The following CRYL1 variants were observed in gnomAD, a reference collection of about 807,000 sequenced individuals.
CRYL1 encodes the protein crystallin lambda 1.
CRYL1 carries 29 observed loss-of-function variants against 36.6 expected under a neutral mutation model. The ratio of observed to expected loss-of-function variants is 0.79; its 90% CI spans 0.59 to 1.08. The LOEUF is 1.08. CRYL1 is among the 50% of genes least tolerant of loss of function. The pLI is 0.00. For synonymous variants in CRYL1, 152 were observed against 151.5 expected (o/e 1.00, Z -0.02); for missense variants, 411 against 407.9 (o/e 1.01, Z -0.06).
chr13:20,412,389 TA>T (rs2031547257), intron 6 of CRYL1, among the ~76,000 whole-genome samples: 1 of 152,176 alleles, frequency 6.6e-6, no homozygotes, highest in Admixed American at 6.5e-5. Context: ...TCTCTTTCTA[TA>T]TGTTTTCTAA....
rs2031650364 is a variant in CRYL1, at chr13:20,415,880, C to T, written c.634-2493G>A. Among the ~76,000 whole-genome samples, 1 of 152,228 alleles carries T rather than the reference C, an allele frequency of 6.6e-6. No homozygotes were observed. The highest frequency in any genetic ancestry group is 1.5e-5 in the Non-Finnish European group (1 of 68,046). On this transcript the variant is annotated intron_variant, in intron 5 of 7. Transcript: ENST00000298248. The surrounding 1 kb of genome is among the most constrained non-coding windows in gnomAD (Gnocchi z 4.1). ...CTTTCGTGACTTGTCTCTCACCATC[C>T]TGTTTCTCAGATTCACCTGCGTCAT...
chr13:20,439,514 C>G (rs1177654645), intron 4 of CRYL1, 79 bp downstream of exon 4: 2 of 314,274 alleles, frequency 6.4e-6, no homozygotes, highest in Admixed American at 7.8e-5. Flanking sequence ...CCCTCCCCCG[C>G]AAAAAAAAAA....
At chr13:20,472,502 G>A (rs1182717094) in intron 3 of CRYL1, among the ~76,000 whole-genome samples, 1 of 152,162 alleles carries the variant, frequency 6.6e-6, no homozygotes, top group Admixed American at 6.5e-5. Flanking sequence ...GCCTTAGGGG[G>A]TGGTTTCTAA....
chr13:20,467,104 C>T (rs1012133463), intron 3 of CRYL1, among the ~76,000 whole-genome samples: 4 of 76,332 alleles, frequency 5.2e-5, no homozygotes, highest in Admixed American at 5.0e-4. Context: ...CCTGCCACCA[C>T]GCCCGGCTGA....
intron 3 of CRYL1, among the ~76,000 whole-genome samples, chr13:20,471,489 C>T (rs2033060155): frequency 6.6e-6 from 1 of 151,994 alleles, no homozygotes; most frequent in South Asian, 2.1e-4. Flanking sequence ...CCTGTAGTCC[C>T]AGCTACTCGG....
At chr13:20,484,470 G>A (rs150671038) in intron 3 of CRYL1, among the ~76,000 whole-genome samples, 4,464 of 152,202 alleles carry the variant, frequency 0.029, 231 homozygotes, top group African/African-American at 0.1. Flanking sequence ...TCAGGAGTTC[G>A]AGACCAGCCT....
chr13:20,412,336 C>T (rs1306555400), intron 6 of CRYL1, among the ~76,000 whole-genome samples: 1 of 152,072 alleles, frequency 6.6e-6, no homozygotes, highest in Non-Finnish European at 1.5e-5. Flanking sequence ...TCTCAGTATC[C>T]TTTGTTAAAT....
At chr13:20,436,794 C>T (rs2032227459) in intron 4 of CRYL1, among the ~76,000 whole-genome samples, 1 of 152,172 alleles carries the variant, frequency 6.6e-6, no homozygotes, top group South Asian at 2.1e-4. Flanking sequence ...ACGGCATGAA[C>T]AAGCCTCCTT....
intron 3 of CRYL1, among the ~76,000 whole-genome samples, chr13:20,483,797 T>C (rs544832794): frequency 2.6e-5 from 4 of 151,920 alleles, no homozygotes; most frequent in Non-Finnish European, 5.9e-5. Context: ...CGCTGTGGCC[T>C]CCCCATGTTC....
chr13:20,439,523 A>AAAAAAAAAAAAAAAAAAAAAAAAAAAT, intron 4 of CRYL1, 70 bp downstream of exon 4: 1 of 987,796 alleles, frequency 1.0e-6, no homozygotes, highest in Non-Finnish European at 1.4e-6. Flanking sequence ...GCAAAAAAAA[A>AAAAAAAAAAAAAAAAAAAAAAAAAAAT]AAAAAAAGAA....
intron 5 of CRYL1, among the ~76,000 whole-genome samples, chr13:20,429,957 A>G (rs1188377079): frequency 6.6e-6 from 1 of 152,112 alleles, no homozygotes; most frequent in Non-Finnish European, 1.5e-5. Context: ...GCTGCCACTG[A>G]GCGGTGATGG....
intron 3 of CRYL1, among the ~76,000 whole-genome samples, chr13:20,444,963 C>T (rs2032423911): frequency 1.3e-5 from 2 of 152,188 alleles, no homozygotes; most frequent in South Asian, 4.1e-4. Flanking sequence ...AGTGATCCAC[C>T]CGCCTCAGCT....
intron 5 of CRYL1, chr13:20,427,199 G>A (rs897191734): frequency 1.0e-6 from 1 of 985,404 alleles, no homozygotes; most frequent in African/African-American, 1.7e-5. Context: ...CGTGACCCAG[G>A]GAGCACGCCT....
At chr13:20,475,564 T>G (rs1294456997) in intron 3 of CRYL1, among the ~76,000 whole-genome samples, 1 of 152,116 alleles carries the variant, frequency 6.6e-6, no homozygotes, top group African/African-American at 2.4e-5. Context: ...TCGTGAGGAC[T>G]GAAGTGGGTC....
intron 3 of CRYL1, among the ~76,000 whole-genome samples, chr13:20,453,229 T>C (rs1327054774): frequency 5.3e-5 from 8 of 152,086 alleles, no homozygotes; most frequent in African/African-American, 1.2e-4. Context: ...CTTAAAAGAA[T>C]AGAAATCAAA....
At chr13:20,414,410 G>A (rs1409120653) in intron 5 of CRYL1, among the ~76,000 whole-genome samples, 1 of 152,002 alleles carries the variant, frequency 6.6e-6, no homozygotes, top group Non-Finnish European at 1.5e-5. Flanking sequence ...GGGAGTGAGA[G>A]AAGCTGACGA....
intron 3 of CRYL1, among the ~76,000 whole-genome samples, chr13:20,445,752 C>A (rs1188567351): frequency 6.6e-6 from 1 of 152,116 alleles, no homozygotes; most frequent in Non-Finnish European, 1.5e-5. Flanking sequence ...GGATATTAAA[C>A]AATTTCAGCA....
intron 2 of CRYL1, among the ~76,000 whole-genome samples, chr13:20,502,736 G>A (rs12146943): frequency 0.3 from 44,921 of 152,134 alleles, 7,320 homozygotes; most frequent in Admixed American, 0.38. Context: ...AGACAGGGGA[G>A]GAGAGGGCCT....
intron 3 of CRYL1, among the ~76,000 whole-genome samples, chr13:20,459,745 T>C (rs550574248): frequency 6.6e-6 from 1 of 152,296 alleles, no homozygotes; most frequent in South Asian, 2.1e-4. Context: ...TCAGATATTA[T>C]GCTGATTACC....
Sources: allele counts gnomAD v4.1 joint callset (sites outside exome capture counted in the v4.1 genomes callset), GRCh38; gene constraint gnomAD v4.1.1; non-coding constraint Gnocchi (gnomAD v3.1); transcripts MANE v1.5; gene names NCBI Gene and HGNC (gene_info 2026-07-23, HGNC 2026-07-21).